MAP1B: variants seen among roughly 807,000 people sequenced by gnomAD.
MAP1B encodes the protein microtubule associated protein 1B.
Under a neutral mutation model 176.1 loss-of-function variants are expected in MAP1B, and 12 were observed. The observed-to-expected ratio is 0.07, with a 90% CI of 0.04 to 0.11. MAP1B has a LOEUF of 0.11. Ranked by LOEUF, MAP1B falls within the 10% of genes least tolerant of loss-of-function variation. The pLI is 1.00. For missense variants in MAP1B, 2,523 were observed against 2,990.5 expected, an observed-to-expected ratio of 0.84 and a Z score of 3.65; for synonymous variants, 1,044 against 1,135.0, an observed-to-expected ratio of 0.92 and a Z score of 1.61.
chr5:72,134,530 T>G (rs1258394193), intron 2 of MAP1B, among the ~76,000 whole-genome samples: 1 of 152,166 alleles, frequency 6.6e-6, no homozygotes, highest in East Asian at 1.9e-4. Context: ...AGAATTTGGT[T>G]TTGCTTCATT....
chr5:72,138,929 A>C (rs1745888420), intron 2 of MAP1B, among the ~76,000 whole-genome samples: 1 of 152,162 alleles, frequency 6.6e-6, no homozygotes, highest in African/African-American at 2.4e-5. Context: ...CATTTTATGC[A>C]GTGGGCACAT....
chr5:72,205,620 G>A lies in MAP1B; in HGVS notation c.*381G>A. On this transcript the variant is annotated 3_prime_UTR_variant, in exon 7 of 7. Coordinates refer to ENST00000296755, the MANE Select transcript of MAP1B (RefSeq NM_005909.5). ...GCACAAAGATAACGCAGGAGAGAGA[G>A]AGAGAAAGAATGAGAAAGAAAAGGA... 1 of 162,582 alleles carries A rather than the reference G, an allele frequency of 6.2e-6. No homozygotes were observed. The allele number at this position is 162,582 out of a possible 1,614,324, so 10.1% of individuals were successfully genotyped here.
chr5:72,140,254 G>A (rs1745922732), intron 2 of MAP1B, among the ~76,000 whole-genome samples: 1 of 152,148 alleles, frequency 6.6e-6, no homozygotes. Flanking sequence ...AGAGCCACAG[G>A]ACCTGTCCTA....
At chr5:72,168,458 A>C (rs1478980355) in intron 2 of MAP1B, among the ~76,000 whole-genome samples, 1 of 152,226 alleles carries the variant, frequency 6.6e-6, no homozygotes, top group Admixed American at 6.5e-5. Context: ...TTTGATTAGC[A>C]TACATATGGA....
chr5:72,168,973 C>T (rs541294530), intron 2 of MAP1B, among the ~76,000 whole-genome samples: 32 of 152,224 alleles, frequency 2.1e-4, no homozygotes, highest in Non-Finnish European at 3.5e-4. Context: ...TGTATTCTTT[C>T]AATTATAATA....
rs139240427 is a variant in MAP1B at position 72,199,198 on chromosome 5, G to A, written c.5843G>A (p.Arg1948Gln). ...TATGAAATTATTGAGAAGACCACAC[G>A]GACCCCTGAAGAGGGTGGGTACTCA... ...YSYEIIEKTT[R>Q]TPEEGGYSYD... Residue 1948 changes from arginine (R) to glutamine (Q), a missense_variant, in exon 5 of 7, where the codon CGG becomes CAG. Arg to Gln is a conservative substitution (Grantham distance 43). Around this residue, in one of 4 missense-constraint regions of MAP1B, gnomAD observed 1,925 missense variants for 2,126.0 expected, o/e 0.91. Coordinates refer to ENST00000296755, the MANE Select transcript of MAP1B (RefSeq NM_005909.5). The surrounding 1 kb of genome is among the most constrained non-coding windows in gnomAD (Gnocchi z 4.2). The A allele has an allele frequency of 4.0e-5, 64 of 1,613,962 alleles. No individual in the cohort carries two copies. In the Middle Eastern group the frequency reaches 6.6e-4, roughly 17 times the overall value.
chr5:72,157,593 C>T (rs967465817), intron 2 of MAP1B, among the ~76,000 whole-genome samples: 4 of 152,018 alleles, frequency 2.6e-5, no homozygotes, highest in Non-Finnish European at 5.9e-5. Context: ...TTACAGGGAT[C>T]GGGGAGGGTC....
chr5:72,194,413 A>C lies in MAP1B; in HGVS notation c.1058A>C (p.Asp353Ala). ...TGGATGAAAAACCTCATCTCCCCTGACTTAGGAGTTGTATTTCTCAATGTA... is the reference window on the plus strand; with the variant it reads ...TGGATGAAAAACCTCATCTCCCCTGCCTTAGGAGTTGTATTTCTCAATGTA... ...SDWMKNLISP[D>A]LGVVFLNVPE... Residue 353 changes from aspartate to alanine, a missense_variant, in exon 5 of 7, where the codon GAC (aspartate) becomes GCC (alanine). By Grantham distance (126) the Asp-to-Ala change is moderately radical (BLOSUM62 -2). Around this residue, in one of 4 missense-constraint regions of MAP1B, gnomAD observed 1,925 missense variants for 2,126.0 expected, o/e 0.91. Coordinates refer to ENST00000296755, the MANE Select transcript of MAP1B (RefSeq NM_005909.5). This position sits in a 1 kb window ranked among gnomAD's most constrained non-coding sequence, Gnocchi z 7.2. 6.2e-7 allele frequency: 1 copy of C among 1,614,154 alleles called. No individual in the cohort carries two copies.
Position 72,197,206 on chromosome 5 carries a change from A to G in MAP1B, c.3851A>G (p.Asn1284Ser), listed in dbSNP as rs1011751022. 7 of 1,614,190 alleles carry G rather than the reference A, an allele frequency of 4.3e-6. No individual in the cohort carries two copies. Among genetic ancestry groups the G allele is most frequent in the East Asian group, 4.5e-5 (2 of 44,886 alleles). Reference sequence around the variant, plus strand: ...AGTGTGAACTTCTCTCTGACGCCCAATGAGATTAAAGTCTCTGCAGAGGCA... The same window carrying G: ...AGTGTGAACTTCTCTCTGACGCCCAGTGAGATTAAAGTCTCTGCAGAGGCA... ...ERSVNFSLTP[N>S]EIKVSAEAEV... is the part of the protein sequence containing the mutation. The change falls in exon 5 of 7, where the codon AAT (asparagine) becomes AGT (serine). Residue 1284 changes from asparagine (N) to serine (S), a missense_variant. This residue lies in a region of MAP1B where 1,925 missense variants were observed against 2,126.0 expected (regional missense o/e 0.91). Coordinates refer to ENST00000296755, the MANE Select transcript of MAP1B (RefSeq NM_005909.5).
chr5:72,172,424 C>CT (rs551372680), intron 2 of MAP1B, among the ~76,000 whole-genome samples: 15 of 151,312 alleles, frequency 9.9e-5, no homozygotes, highest in African/African-American at 1.5e-4. Context: ...TGCATTTTTT[C>CT]TTTTTTTTTG....
Position 72,200,329 on chromosome 5 carries a change from A to G in MAP1B, c.6974A>G (p.Asn2325Ser). The G allele has an allele frequency of 6.2e-7, 1 of 1,614,162 alleles. No individual in the cohort carries two copies. Among genetic ancestry groups the G allele is most frequent in the Non-Finnish European group, 8.5e-7 (1 of 1,180,010 alleles). The change falls in exon 5 of 7, where the codon AAT becomes AGT. Residue 2325 changes from asparagine (N) to serine (S), a missense_variant. Physicochemically the swap from Asn to Ser is conservative, Grantham distance 46 (BLOSUM62 1). This residue lies in a region of MAP1B where 287 missense variants were observed against 401.5 expected (regional missense o/e 0.71). Coordinates refer to ENST00000296755, the MANE Select transcript of MAP1B (RefSeq NM_005909.5). ...EKDKETKNAA[N>S]ASASKSAKTA... The stretch of plus-strand genomic sequence containing the variant: ...GACAAGGAGACCAAGAATGCTGCCA[A>G]TGCCTCTGCATCCAAGTCGGCCAAG...
At chr5:72,172,499 G>A (rs977230801) in intron 2 of MAP1B, among the ~76,000 whole-genome samples, 4 of 152,024 alleles carry the variant, frequency 2.6e-5, no homozygotes, top group Admixed American at 1.3e-4. Flanking sequence ...AAAGGCAGCT[G>A]GTTTTGAGAC....
At chr5:72,193,697 G>A (rs190352282) in intron 4 of MAP1B, among the ~76,000 whole-genome samples, 169 bp from the exon 5 acceptor site, 34 of 152,264 alleles carry the variant, frequency 2.2e-4, no homozygotes, top group Non-Finnish European at 3.4e-4. Context: ...TTCCAGTAGG[G>A]AAGTATTTCA....
At chr5:72,187,517 C>A (rs566837148) in intron 4 of MAP1B, among the ~76,000 whole-genome samples, 1 of 152,152 alleles carries the variant, frequency 6.6e-6, no homozygotes, top group South Asian at 2.1e-4. Flanking sequence ...ACAATTCAGA[C>A]CCATCCCCAT....
intron 2 of MAP1B, among the ~76,000 whole-genome samples, chr5:72,120,571 C>T (rs562068599): frequency 4.8e-4 from 73 of 151,782 alleles, no homozygotes; most frequent in Non-Finnish European, 9.1e-4. Flanking sequence ...ACTACAGGCG[C>T]CCACCACCAT....
At chr5:72,125,184 T>C (rs187433376) in intron 2 of MAP1B, among the ~76,000 whole-genome samples, 9 of 152,124 alleles carry the variant, frequency 5.9e-5, no homozygotes, top group African/African-American at 1.9e-4. Context: ...GAATTCCAGA[T>C]AGTTTCCCAG....
chr5:72,153,358 A>G (rs969718154), intron 2 of MAP1B, among the ~76,000 whole-genome samples: 1 of 152,024 alleles, frequency 6.6e-6, no homozygotes, highest in Non-Finnish European at 1.5e-5. Context: ...AGGGACCACA[A>G]TGGATTTGAC....
chr5:72,111,992 GA>G (rs1745351588), intron 1 of MAP1B, among the ~76,000 whole-genome samples: 1 of 151,922 alleles, frequency 6.6e-6, no homozygotes, highest in African/African-American at 2.4e-5. Context: ...GAGTTCAAGG[GA>G]AAAAATAAGA....
Position 72,194,414 on chromosome 5 carries a change from C to G in MAP1B, c.1059C>G (p.Asp353Glu). The change falls in exon 5 of 7, where the codon GAC (aspartate) becomes GAG (glutamate). Residue 353 changes from aspartate (D) to glutamate (E), a missense_variant. By Grantham distance (45) the Asp-to-Glu change is conservative. This residue lies in a region of MAP1B where 1,925 missense variants were observed against 2,126.0 expected (regional missense o/e 0.91). Coordinates refer to ENST00000296755, the MANE Select transcript of MAP1B (RefSeq NM_005909.5). The surrounding 1 kb of genome is among the most constrained non-coding windows in gnomAD (Gnocchi z 7.2). ...GGATGAAAAACCTCATCTCCCCTGA[C>G]TTAGGAGTTGTATTTCTCAATGTAC... is the stretch of plus-strand genomic sequence containing the variant. ...SDWMKNLISP[D>E]LGVVFLNVPE... 1 of 1,614,136 alleles carries G rather than the reference C, an allele frequency of 6.2e-7. No individual in the cohort carries two copies.
Sources: gnomAD v4.1 joint callset for allele counts (sites outside exome capture counted in the v4.1 genomes callset) on GRCh38, gnomAD v4.1.1 for gene constraint, gnomAD v4.1.1 regional missense constraint, Gnocchi (gnomAD v3.1) non-coding constraint, MANE v1.5 for transcripts, NCBI Gene and HGNC (gene_info 2026-07-23, HGNC 2026-07-21) for gene names.